The following NRXN3 variants were observed in gnomAD, a reference collection of about 807,000 sequenced individuals.
NRXN3 encodes neurexin 3, also known as neurexin III.
Under a neutral mutation model 137.6 loss-of-function variants are expected in NRXN3, and 32 were observed. The ratio of observed to expected loss-of-function variants is 0.23; its 90% CI spans 0.18 to 0.31. NRXN3 has a LOEUF of 0.31. NRXN3 is among the 10% of genes least tolerant of loss of function. The pLI is 1.00. For missense variants in NRXN3, 1,574 were observed against 2,062.5 expected (o/e 0.76, Z 4.59); for synonymous variants, 798 against 784.5 (o/e 1.02, Z -0.29).
At chr14:79,246,926 T>A (rs2075269357) in intron 15 of NRXN3, 1 of 152,282 alleles carries the variant, frequency 6.6e-6, no homozygotes. Context: ...TTTTGGACAT[T>A]CTTTGGGTAT....
chr14:78,520,076 A>G (rs540087416), intron 4 of NRXN3, among the ~76,000 whole-genome samples: 2 of 152,272 alleles, frequency 1.3e-5, no homozygotes, highest in Admixed American at 6.5e-5. Flanking sequence ...CCCCTGTTCA[A>G]GCCTTCCTAT....
intron 19 of NRXN3, among the ~76,000 whole-genome samples, chr14:79,741,548 G>A (rs558655622): frequency 1.3e-5 from 2 of 152,094 alleles, no homozygotes; most frequent in African/African-American, 4.8e-5. Context: ...GCAGTGGCAT[G>A]ATCTTGGCTT....
intron 15 of NRXN3, among the ~76,000 whole-genome samples, chr14:79,194,486 T>C (rs2064866408): frequency 6.6e-6 from 1 of 152,168 alleles, no homozygotes; most frequent in South Asian, 2.1e-4. Flanking sequence ...CATAAGAAGA[T>C]AGCTGGAGGG....
intron 8 of NRXN3, among the ~76,000 whole-genome samples, chr14:78,735,724 T>G (rs1423822919): frequency 1.3e-5 from 2 of 152,188 alleles, no homozygotes; most frequent in African/African-American, 2.4e-5. Context: ...TATCTTTAAT[T>G]CATATTAGGG....
At chr14:79,785,667 G>C (rs2140185762) in intron 19 of NRXN3, among the ~76,000 whole-genome samples, 1 of 151,934 alleles carries the variant, frequency 6.6e-6, no homozygotes. Context: ...TTAATTATAA[G>C]CTTCTTGAGG....
At chr14:79,391,125 A>C (rs1022522649) in intron 15 of NRXN3, among the ~76,000 whole-genome samples, 8 of 152,212 alleles carry the variant, frequency 5.3e-5, no homozygotes, top group Non-Finnish European at 1.2e-4. Context: ...GCACTAATGG[A>C]CTTAGTCACC....
chr14:79,554,704 A>G (rs2097411102), intron 16 of NRXN3, among the ~76,000 whole-genome samples: 1 of 152,138 alleles, frequency 6.6e-6, no homozygotes, highest in African/African-American at 2.4e-5. Context: ...CTCAGCCCCC[A>G]ACATGAGATT....
At chr14:78,795,051 GC>G (rs910643587) in intron 8 of NRXN3, among the ~76,000 whole-genome samples, 3 of 152,228 alleles carry the variant, frequency 2.0e-5, no homozygotes, top group African/African-American at 7.2e-5. Context: ...CTATGATTGT[GC>G]CACTGCACTC....
At chr14:79,362,301 C>A (rs1599176315) in intron 15 of NRXN3, among the ~76,000 whole-genome samples, 2 of 149,834 alleles carry the variant, frequency 1.3e-5, no homozygotes, top group Admixed American at 1.3e-4. Flanking sequence ...CCTCCCCTCT[C>A]CCCCCACCCC....
chr14:79,060,689 A>G (rs2099673135), intron 15 of NRXN3, among the ~76,000 whole-genome samples: 1 of 152,116 alleles, frequency 6.6e-6, no homozygotes, highest in Admixed American at 6.6e-5. Context: ...AAGTTATTTA[A>G]CTTCTCCGTG....
At chr14:79,185,687 G>A (rs909714836) in intron 15 of NRXN3, among the ~76,000 whole-genome samples, 5 of 151,936 alleles carry the variant, frequency 3.3e-5, no homozygotes, top group African/African-American at 9.7e-5. Context: ...GGATGGTCTC[G>A]ATCTCCTGAC....
chr14:79,752,814 A>G (rs2099002987), intron 19 of NRXN3, among the ~76,000 whole-genome samples: 1 of 152,046 alleles, frequency 6.6e-6, no homozygotes, highest in Non-Finnish European at 1.5e-5. Context: ...TTCACAACCT[A>G]CTCATCTGAC....
At chr14:79,749,446 T>TA (rs1568104368) in intron 19 of NRXN3, among the ~76,000 whole-genome samples, 1 of 151,802 alleles carries the variant, frequency 6.6e-6, no homozygotes, top group African/African-American at 2.4e-5. Flanking sequence ...GTTTTTTTTT[T>TA]TGTAGTGACA....
Position 78,550,440 on chromosome 14 carries a change from C to T in NRXN3, c.758-94680C>T, listed in dbSNP as rs117725988. The stretch of plus-strand genomic sequence containing the variant: ...ATGGGAGTTGGTGCCCTAAAAGTGA[C>T]TACCTCCTAAAATCACTCACACTCA... On this transcript the variant is annotated intron_variant, in intron 4 of 20. Coordinates refer to ENST00000335750, the MANE Select transcript of NRXN3 (RefSeq NM_001330195.2). Among the ~76,000 whole-genome samples, 17 of 152,152 alleles carry T rather than the reference C, an allele frequency of 1.1e-4. No homozygotes were observed. In the East Asian group the frequency reaches 2.9e-3, roughly 26 times the overall value.
At chr14:79,283,041 C>T (rs2081545833) in intron 15 of NRXN3, among the ~76,000 whole-genome samples, 1 of 152,200 alleles carries the variant, frequency 6.6e-6, no homozygotes, top group African/African-American at 2.4e-5. Flanking sequence ...ATGCACTTCT[C>T]ATTCTTACTT....
intron 6 of NRXN3, among the ~76,000 whole-genome samples, chr14:78,663,661 T>C (rs999681237): frequency 2.6e-5 from 4 of 152,248 alleles, no homozygotes; most frequent in African/African-American, 9.6e-5. Flanking sequence ...AGACTTATTA[T>C]GAATTTTCAG....
At position 78,243,399 on chromosome 14, in the gene NRXN3, G is replaced by A. The variant is rs1350451166; in HGVS notation, c.306G>A (p.Lys102=). The change falls in exon 2 of 21, where the codon AAG becomes AAA. Residue 102 remains lysine (K), a synonymous_variant. Coordinates refer to ENST00000335750, the MANE Select transcript of NRXN3 (RefSeq NM_001330195.2). This position sits in a 1 kb window ranked among gnomAD's most constrained non-coding sequence, Gnocchi z 4.2. ...CCGAGACTGCCGTGCTGTCCAACAA[G>A]CAGGTGAATGACAGCAGCTGGCACT... The part of the protein sequence containing the change: ...DCAETAVLSN[K]QVNDSSWHFL... 1.3e-6 allele frequency: 2 copies of A among 1,567,152 alleles called. No individual in the cohort carries two copies. The highest frequency in any genetic ancestry group is 1.3e-5 in the African/African-American group (1 of 74,230).
intron 10 of NRXN3, among the ~76,000 whole-genome samples, chr14:78,813,999 C>CT (rs2098923464): frequency 6.6e-6 from 1 of 152,074 alleles, no homozygotes; most frequent in Admixed American, 6.6e-5. Flanking sequence ...AATACTTTGT[C>CT]TTTCCTCATG....
intron 16 of NRXN3, among the ~76,000 whole-genome samples, chr14:79,650,553 T>A (rs1375024294): frequency 6.6e-6 from 1 of 152,140 alleles, no homozygotes; most frequent in Non-Finnish European, 1.5e-5. Flanking sequence ...AGTGAACAAC[T>A]AGAATTATAT....
Sources: allele counts gnomAD v4.1 joint callset (sites outside exome capture counted in the v4.1 genomes callset), GRCh38; gene constraint gnomAD v4.1.1; non-coding constraint Gnocchi (gnomAD v3.1); transcripts MANE v1.5; gene names NCBI Gene and HGNC (gene_info 2026-07-23, HGNC 2026-07-21).